Variants in CDH26 observed in about 807,000 individuals in gnomAD.
CDH26 encodes cadherin 26.
CDH26 carries 83 observed loss-of-function variants against 90.3 expected under a neutral mutation model. The observed-to-expected ratio is 0.92, with a 90% CI of 0.77 to 1.10. CDH26 has a LOEUF of 1.10. CDH26 is among the 50% of genes least tolerant of loss of function. CDH26 has a pLI of 0.00. For missense variants in CDH26, 1,013 were observed against 1,037.6 expected (o/e 0.98, Z 0.33); for synonymous variants, 397 against 396.3 (o/e 1.00, Z -0.02).
At chr20:59,976,883 C>T (rs946759880) in intron 4 of CDH26, among the ~76,000 whole-genome samples, 57 of 152,082 alleles carry the variant, frequency 3.7e-4, no homozygotes, top group African/African-American at 1.4e-3. Flanking sequence ...ATTTAGGCCC[C>T]TGAGGAAGGG....
chr20:59,979,494 G>A (rs2145981346), intron 4 of CDH26, among the ~76,000 whole-genome samples: 1 of 151,742 alleles, frequency 6.6e-6, no homozygotes, highest in African/African-American at 2.4e-5. Context: ...GCCGTGCCCA[G>A]CCGAGTTTGT....
At position 59,971,942 on chromosome 20, in the gene CDH26, TCC is replaced by T; in HGVS notation, c.232-19_232-18del. The T allele has an allele frequency of 6.2e-7, 1 of 1,600,144 alleles. No homozygotes were observed. The highest frequency in any genetic ancestry group is 8.5e-7 in the Non-Finnish European group (1 of 1,170,338). On this transcript the variant is annotated intron_variant, in intron 3 of 17. Coordinates refer to ENST00000348616, the MANE Select transcript of CDH26 (RefSeq NM_177980.4). Reference sequence around the variant, plus strand: ...ATTCTCATCCTCCTTTTTTCTTCTTTCCATTTTTCCTCCTTCCAGCTGTTCAA... The same window carrying T: ...ATTCTCATCCTCCTTTTTTCTTCTTTATTTTTCCTCCTTCCAGCTGTTCAA...
At chr20:59,977,793 C>T (rs1423223094) in intron 4 of CDH26, among the ~76,000 whole-genome samples, 1 of 152,056 alleles carries the variant, frequency 6.6e-6, no homozygotes. Flanking sequence ...TTAACCAAAA[C>T]CCATAGTTTA....
chr20:60,031,693 T>G (rs1016042762), intron 8 of CDH26, among the ~76,000 whole-genome samples: 20 of 151,906 alleles, frequency 1.3e-4, no homozygotes, highest in African/African-American at 4.4e-4. Context: ...TGGGAGAGAG[T>G]TGGGGGGCCA....
At chr20:59,959,464 A>T (rs1245700482) in intron 1 of CDH26, among the ~76,000 whole-genome samples, 1 of 150,748 alleles carries the variant, frequency 6.6e-6, no homozygotes, top group Non-Finnish European at 1.5e-5. Flanking sequence ...GTGCGTGGTG[A>T]CATCTCAGTG....
intron 1 of CDH26, among the ~76,000 whole-genome samples, chr20:59,963,601 A>G (rs746753359): frequency 6.6e-6 from 1 of 152,168 alleles, no homozygotes; most frequent in Non-Finnish European, 1.5e-5. Flanking sequence ...ATTCAGTCCT[A>G]TACTAGCACT....
At position 59,971,875 on chromosome 20, in the gene CDH26, C is replaced by A. The variant is rs1057411746; in HGVS notation, c.232-87C>A. On this transcript the variant is annotated intron_variant, in intron 3 of 17. Transcript: ENST00000348616. ...TGCTGGGTATAATTTCTTAAAGATG[C>A]CATTGATTCTTAGCCTTGATACTTG... The A allele has an allele frequency of 4.7e-6, 5 of 1,064,134 alleles. No homozygotes were observed. In the African/African-American group the frequency reaches 7.9e-5, roughly 17 times the overall value. The allele number at this position is 1,064,134 out of a possible 1,614,324, so 65.9% of individuals were successfully genotyped here. A position where few individuals can be genotyped will look rare whatever the true frequency, so the allele number is the denominator to read the frequency against.
intron 4 of CDH26, among the ~76,000 whole-genome samples, chr20:59,974,613 C>T (rs1231755978): frequency 6.6e-6 from 1 of 152,092 alleles, no homozygotes; most frequent in African/African-American, 2.4e-5. Context: ...TTTTCAGGGC[C>T]CTATGCTTGG....
At chr20:60,006,930 G>A (rs958696556) in intron 17 of CDH26, 143 bp downstream of exon 17, 29 of 634,850 alleles carry the variant, frequency 4.6e-5, no homozygotes, top group Non-Finnish European at 6.5e-5. Context: ...TAGCCTGACT[G>A]GTGGCTTAAA....
In CDH26 at chr20:59,988,927, A is replaced by T; in HGVS notation, c.1047A>T (p.Pro349=). The change falls in exon 9 of 18, where the codon CCA becomes CCT. Residue 349 remains proline, a synonymous_variant. Coordinates refer to ENST00000348616, the MANE Select transcript of CDH26 (RefSeq NM_177980.4). ...AGCCTTTGGATTATGAGACTCGCCC[A>T]GCGCAAAGCCTCATCATTGTCGTGG... is the stretch of plus-strand genomic sequence containing the variant. ...VIKPLDYETR[P]AQSLIIVVEN... The T allele has an allele frequency of 6.2e-7, 1 of 1,614,142 alleles. No individual in the cohort carries two copies. Among genetic ancestry groups the T allele is most frequent in the Non-Finnish European group, 8.5e-7 (1 of 1,180,014 alleles).
intron 13 of CDH26, 131 bp downstream of exon 13, chr20:59,996,892 GA>G (rs2061605462): frequency 1.7e-6 from 2 of 1,211,606 alleles, no homozygotes; most frequent in African/African-American, 3.0e-5. Flanking sequence ...TAGCAAGTGG[GA>G]AAAAATTCTT....
intron 1 of CDH26, among the ~76,000 whole-genome samples, chr20:59,963,330 A>C (rs2061101299): frequency 6.9e-6 from 1 of 145,338 alleles, no homozygotes; most frequent in African/African-American, 2.6e-5. Flanking sequence ...AACTCACTGC[A>C]ACCTCCGCCT....
intron 1 of CDH26, among the ~76,000 whole-genome samples, chr20:59,967,453 A>C (rs1368591372): frequency 6.6e-6 from 1 of 152,240 alleles, no homozygotes; most frequent in Non-Finnish European, 1.5e-5. Context: ...ATAACTGGCA[A>C]GAATCTTAGT....
chr20:59,993,534 T>G (rs139122860), intron 10 of CDH26, among the ~76,000 whole-genome samples: 1 of 152,340 alleles, frequency 6.6e-6, no homozygotes, highest in East Asian at 1.9e-4. Flanking sequence ...TATTCCTGAG[T>G]TATTCACTTA....
In CDH26 at chr20:59,994,490, G is replaced by C. The variant is rs779178143; in HGVS notation, c.1666+1G>C. The stretch of plus-strand genomic sequence containing the variant: ...ACATGGAAGTTGGGGAGAAATTGGG[G>C]TGAGTTTTTGTATTGGTTACGGGCA... On this transcript the variant is annotated splice_donor_variant, in intron 11 of 17. Transcript: ENST00000348616. LOFTEE classifies it high-confidence loss of function. 4 of 1,613,850 alleles carry C rather than the reference G, an allele frequency of 2.5e-6. No individual in the cohort carries two copies. The highest frequency in any genetic ancestry group is 3.3e-5 in the Admixed American group (2 of 60,024).
downstream of CDH26, among the ~76,000 whole-genome samples, chr20:60,016,000 A>AC (rs1175158285): frequency 6.6e-6 from 1 of 152,292 alleles, no homozygotes; most frequent in Admixed American, 6.5e-5. Flanking sequence ...TTTTTATAGT[A>AC]CCATGCTGTT....
At chr20:60,026,155 C>T (rs147213491) in intron 7 of CDH26, among the ~76,000 whole-genome samples, 1 of 152,246 alleles carries the variant, frequency 6.6e-6, no homozygotes, top group Non-Finnish European at 1.5e-5. Context: ...TGTGTTTGCT[C>T]TGGGGTTTAT....
chr20:60,013,645 C>T lies in CDH26; in HGVS notation c.*915C>T, dbSNP rs1274443155. 6.6e-6 allele frequency: 1 copy of T among 152,112 alleles called. No individual in the cohort carries two copies. Among genetic ancestry groups the T allele is most frequent in the Non-Finnish European group, 1.5e-5 (1 of 68,022 alleles). The allele number at this position is 152,112 out of a possible 1,614,324, so 9.4% of individuals were successfully genotyped here. On this transcript the variant is annotated 3_prime_UTR_variant, in exon 18 of 18. Coordinates refer to ENST00000348616, the MANE Select transcript of CDH26 (RefSeq NM_177980.4). ...ATATTGGATATCTAAAAGTCTACAG[C>T]CATATAAAAATTTTATATAATTAAT...
downstream of CDH26, among the ~76,000 whole-genome samples, chr20:60,016,323 G>A (rs1476418918): frequency 2.6e-5 from 4 of 152,018 alleles, no homozygotes; most frequent in Non-Finnish European, 5.9e-5. Context: ...TTTTTGTAGA[G>A]GGTTTTCACT....
Sources: allele counts gnomAD v4.1 joint callset (sites outside exome capture counted in the v4.1 genomes callset), GRCh38; gene constraint gnomAD v4.1.1; transcripts MANE v1.5; gene names NCBI Gene and HGNC (gene_info 2026-07-23, HGNC 2026-07-21).